The following PDGFRL variants were observed in gnomAD, a reference collection of about 807,000 sequenced individuals.
PDGFRL encodes the protein platelet-derived growth factor receptor-like protein.
PDGFRL carries 46 observed loss-of-function variants against 37.2 expected under a neutral mutation model. That is an observed-to-expected ratio of 1.24 (90% confidence interval 0.98 to 1.58). The LOEUF is 1.58. PDGFRL is among the 40% of genes most tolerant of loss of function. The pLI, the probability that PDGFRL is intolerant of heterozygous loss-of-function variation, is 0.00. For synonymous variants in PDGFRL, 251 were observed against 184.3 expected (o/e 1.36, Z -2.93); for missense variants, 692 against 467.6 (o/e 1.48, Z -4.43).
At chr8:17,577,182 C>T, upstream of PDGFRL, 1 of 1,563,504 alleles carries the variant, frequency 6.4e-7, no homozygotes. Flanking sequence ...GCCCCTCGCC[C>T]GCCGCCTCCC....
intron 2 of PDGFRL, among the ~76,000 whole-genome samples, chr8:17,616,951 G>A (rs993323555): frequency 1.3e-5 from 2 of 152,166 alleles, no homozygotes; most frequent in Admixed American, 6.5e-5. Flanking sequence ...CAAGTAAGAT[G>A]CACCGGTCCC....
At chr8:17,581,027 A>G (rs577724808) in intron 1 of PDGFRL, among the ~76,000 whole-genome samples, 1 of 152,180 alleles carries the variant, frequency 6.6e-6, no homozygotes, top group East Asian at 1.9e-4. Context: ...TAATGACCTC[A>G]TGCTAACTTG....
chr8:17,628,502 T>C lies in PDGFRL; in HGVS notation c.521T>C (p.Phe174Ser). ...YIFFTEKGEL[F>S]VPSPSYFDVV... ...CCCTTTGCAGAGAAAGGAGAACTCTTTGTACCTTCTCCCAGCTACTTCGAT... is the reference window on the plus strand; with the variant it reads ...CCCTTTGCAGAGAAAGGAGAACTCTCTGTACCTTCTCCCAGCTACTTCGAT... Residue 174 changes from phenylalanine (F) to serine (S), a missense_variant, in exon 4 of 6, where the codon TTT (phenylalanine) becomes TCT (serine). Transcript: ENST00000251630. 1 of 1,613,542 alleles carries C rather than the reference T, an allele frequency of 6.2e-7. No homozygotes were observed. The highest frequency in any genetic ancestry group is 8.5e-7 in the Non-Finnish European group (1 of 1,179,470).
chr8:17,623,646 G>A (rs937674191), intron 3 of PDGFRL, among the ~76,000 whole-genome samples: 7 of 152,078 alleles, frequency 4.6e-5, no homozygotes, highest in Non-Finnish European at 8.8e-5. Flanking sequence ...AGGCCACGGC[G>A]GGCGGATCAC....
At chr8:17,617,721 CCTA>C in intron 2 of PDGFRL, among the ~76,000 whole-genome samples, 1 of 152,304 alleles carries the variant, frequency 6.6e-6, no homozygotes, top group African/African-American at 2.4e-5. Flanking sequence ...CGCCCCCAAA[CCTA>C]CTAAAGATAC....
At chr8:17,577,172 G>C, upstream of PDGFRL, 2 of 1,475,168 alleles carry the variant, frequency 1.4e-6, no homozygotes, top group South Asian at 1.3e-5. Flanking sequence ...CCAGGAGCCC[G>C]CCCCTCGCCC....
chr8:17,583,912 G>A (rs1339590782), intron 1 of PDGFRL, among the ~76,000 whole-genome samples: 1 of 152,132 alleles, frequency 6.6e-6, no homozygotes, highest in African/African-American at 2.4e-5. Context: ...GAATCTTCTG[G>A]CCAGCAGAAC....
intron 2 of PDGFRL, among the ~76,000 whole-genome samples, chr8:17,617,586 G>C (rs1466544999): frequency 6.6e-6 from 1 of 152,164 alleles, no homozygotes; most frequent in African/African-American, 2.4e-5. Context: ...GGTAGAAATG[G>C]ACATTCTAAA....
In PDGFRL at chr8:17,596,353, C is replaced by T. The variant is rs2246502; in HGVS notation, c.353+6588C>T. The T allele has an allele frequency of 0.039, 48,386 of 1,237,088 alleles. 7,227 individuals carry two copies. In the African/African-American group the frequency reaches 0.43, roughly 11 times the overall value. The allele number at this position is 1,237,088 out of a possible 1,614,324, so 76.6% of individuals were successfully genotyped here. A position where few individuals can be genotyped will look rare whatever the true frequency, so the allele number is the denominator to read the frequency against. On this transcript the variant is annotated intron_variant, in intron 2 of 5. Transcript: ENST00000251630. The stretch of plus-strand genomic sequence containing the variant: ...ACGTAACTCCGTGGGAAGAAGCCAA[C>T]GCGCCCGCAGGACCGGCCCTGCCTC...
In PDGFRL at chr8:17,593,436, G is replaced by C. The variant is rs1209465087; in HGVS notation, c.353+3671G>C. On this transcript the variant is annotated intron_variant, in intron 2 of 5. Transcript: ENST00000251630. ...ATGAAACCATCTCTACTAAAAATAC[G>C]GAAAAAAAAAATTTAACCTGGCTTT... Among the ~76,000 whole-genome samples, 11 of 26,158 alleles carry C rather than the reference G, an allele frequency of 4.2e-4. No homozygotes were observed. In the Admixed American group the frequency reaches 4.4e-3, roughly 10 times the overall value. 17.2% of individuals were successfully genotyped at this position (26,158 alleles called of 152,430 possible). A position where few individuals can be genotyped will look rare whatever the true frequency, so the allele number is the denominator to read the frequency against.
intron 2 of PDGFRL, among the ~76,000 whole-genome samples, chr8:17,602,394 C>G (rs1804184507): frequency 6.6e-6 from 1 of 152,128 alleles, no homozygotes; most frequent in Non-Finnish European, 1.5e-5. Flanking sequence ...CACTTCAGAG[C>G]TCTGTGGTAT....
intron 2 of PDGFRL, among the ~76,000 whole-genome samples, chr8:17,606,016 C>T (rs888351064): frequency 3.3e-5 from 5 of 152,134 alleles, no homozygotes; most frequent in Admixed American, 2.6e-4. Flanking sequence ...CAGCCAGGCT[C>T]ATCATGTCAT....
At chr8:17,583,391 G>A (rs1287433222) in intron 1 of PDGFRL, among the ~76,000 whole-genome samples, 1 of 152,206 alleles carries the variant, frequency 6.6e-6, no homozygotes, top group Non-Finnish European at 1.5e-5. Context: ...AGAGGGGTGG[G>A]GAGGGCGAAG....
At chr8:17,583,503 G>A (rs138260397) in intron 1 of PDGFRL, among the ~76,000 whole-genome samples, 95 of 152,244 alleles carry the variant, frequency 6.2e-4, no homozygotes, top group Middle Eastern at 3.4e-3. Context: ...TTAAGATTTC[G>A]GGGACTATTG....
At position 17,634,218 on chromosome 8, in the gene PDGFRL, G is replaced by A. The variant is rs1385552084; in HGVS notation, c.939+5G>A. 7 of 1,603,640 alleles carry A rather than the reference G, an allele frequency of 4.4e-6. No homozygotes were observed. In the South Asian group the frequency reaches 5.5e-5, roughly 13 times the overall value. On this transcript the variant is annotated splice_donor_5th_base_variant and intron_variant, in intron 5 of 5. Transcript: ENST00000251630. ...TGGATCTTCCCAGGGCAGAAGGTAAGTGTTGTACCTGCATCTCAGCCCCTG... is the reference window on the plus strand; with the variant it reads ...TGGATCTTCCCAGGGCAGAAGGTAAATGTTGTACCTGCATCTCAGCCCCTG...
Position 17,628,786 on chromosome 8 carries a change from C to T in PDGFRL, c.799+6C>T. ...CCAGCTGCTCTATGTGGCGGGTAAG[C>T]CTGGCCACCCCTGCCTAGATTCTAG... On this transcript the variant is annotated splice_donor_region_variant and intron_variant, in intron 4 of 5. Coordinates refer to ENST00000251630, the MANE Select transcript of PDGFRL (RefSeq NM_001372073.1). 6.2e-7 allele frequency: 1 copy of T among 1,602,302 alleles called. No homozygotes were observed. The highest frequency in any genetic ancestry group is 8.5e-7 in the Non-Finnish European group (1 of 1,169,690).
At chr8:17,638,837 C>A (rs1408814926) in intron 5 of PDGFRL, among the ~76,000 whole-genome samples, 1 of 116,816 alleles carries the variant, frequency 8.6e-6, no homozygotes, top group Non-Finnish European at 1.8e-5. Flanking sequence ...ACATAATGTC[C>A]GTCTTTCTCT....
At position 17,633,861 on chromosome 8, in the gene PDGFRL, G is replaced by A. The variant is rs570750244; in HGVS notation, c.800-213G>A. On this transcript the variant is annotated intron_variant, in intron 4 of 5. Transcript: ENST00000251630. ...CTTGGAGGCTGTCCTGGGAGTCCTG[G>A]TGCCTACCCCATTCCAGACCACCAA... Among the ~76,000 whole-genome samples, 16 of 152,244 alleles carry A rather than the reference G, an allele frequency of 1.1e-4. No homozygotes were observed. The East Asian group carries it at 1.4e-3, about 13-fold the overall frequency.
At chr8:17,576,997 T>G, upstream of PDGFRL, 1 of 562,690 alleles carries the variant, frequency 1.8e-6, no homozygotes, top group Non-Finnish European at 3.1e-6. Context: ...CATTTCACGC[T>G]TAGCCTTTCC....
Sources: allele counts gnomAD v4.1 joint callset (sites outside exome capture counted in the v4.1 genomes callset), GRCh38; gene constraint gnomAD v4.1.1; transcripts MANE v1.5; gene names NCBI Gene and HGNC (gene_info 2026-07-23, HGNC 2026-07-21).